Variants in EYS observed in about 807,000 individuals in gnomAD.
EYS encodes protein eyes shut homolog.
A neutral mutation model predicts 282.1 loss-of-function variants in EYS; 250 were observed. The observed-to-expected ratio is 0.89, with a 90% CI of 0.80 to 0.98. EYS has a LOEUF of 0.98. Ranked by LOEUF, EYS falls within the 50% of genes least tolerant of loss-of-function variation. The pLI is 0.00. For synonymous variants in EYS, 1,355 were observed against 1,282.9 expected (o/e 1.06, Z -1.20); for missense variants, 4,016 against 3,709.0 (o/e 1.08, Z -2.15).
At chr6:64,995,307 C>T (rs1296148390) in intron 14 of EYS, among the ~76,000 whole-genome samples, 2 of 152,152 alleles carry the variant, frequency 1.3e-5, no homozygotes, top group African/African-American at 4.8e-5. Context: ...TGGGAGAATA[C>T]ACCTGGAAGA....
intron 7 of EYS, among the ~76,000 whole-genome samples, chr6:65,396,395 A>C (rs1216532674): frequency 6.6e-6 from 1 of 151,952 alleles, no homozygotes; most frequent in Non-Finnish European, 1.5e-5. Context: ...CCCAACGTTT[A>C]TTCCATCCCA....
At chr6:64,323,016 C>T (rs923784975) in intron 29 of EYS, among the ~76,000 whole-genome samples, 1 of 152,086 alleles carries the variant, frequency 6.6e-6, no homozygotes, top group Non-Finnish European at 1.5e-5. Flanking sequence ...ACTAATTTCC[C>T]ATGATTTCTT....
intron 22 of EYS, among the ~76,000 whole-genome samples, chr6:64,720,285 C>A (rs1279666890): frequency 6.6e-6 from 1 of 152,122 alleles, no homozygotes; most frequent in African/African-American, 2.4e-5. Context: ...CTTCTCTCAC[C>A]TTTTCCTTCC....
intron 31 of EYS, among the ~76,000 whole-genome samples, chr6:64,113,868 G>A (rs942711734): frequency 6.6e-6 from 1 of 152,158 alleles, no homozygotes; most frequent in African/African-American, 2.4e-5. Context: ...TACATCACGA[G>A]TTGGCAAGCA....
chr6:63,938,235 T>C (rs1765131112), intron 35 of EYS, among the ~76,000 whole-genome samples: 1 of 152,182 alleles, frequency 6.6e-6, no homozygotes, highest in African/African-American at 2.4e-5. Flanking sequence ...GCTGGTCTCG[T>C]ATGGTGATAC....
At chr6:63,745,981 C>G (rs1262043662) in intron 41 of EYS, among the ~76,000 whole-genome samples, 2 of 152,160 alleles carry the variant, frequency 1.3e-5, no homozygotes, top group East Asian at 3.9e-4. Context: ...AGGAAGAGAG[C>G]CCTTGCTGGA....
intron 5 of EYS, among the ~76,000 whole-genome samples, chr6:65,459,971 TA>T (rs1562197905): frequency 0.029 from 496 of 17,228 alleles, 6 homozygotes; most frequent in African/African-American, 0.16. Flanking sequence ...GTGTATTTTA[TA>T]TATATATATA....
At chr6:64,635,896 T>C (rs1037738162) in intron 22 of EYS, among the ~76,000 whole-genome samples, 1 of 152,202 alleles carries the variant, frequency 6.6e-6, no homozygotes, top group Non-Finnish European at 1.5e-5. Flanking sequence ...TCAGAAGGAA[T>C]GGTACCAGCT....
In EYS at chr6:64,654,072, A is replaced by G. The variant is rs547588211; in HGVS notation, c.3444-27827T>C. 2.0e-5 allele frequency among the ~76,000 whole-genome samples: 3 copies of G among 152,196 alleles called. No individual in the cohort carries two copies. The South Asian group carries it at 6.2e-4, about 32-fold the overall frequency. On this transcript the variant is annotated intron_variant, in intron 22 of 42. Transcript: ENST00000503581. Reference sequence around the variant, plus strand: ...TTCTGCATTCAGTCTCTTCATATTTACCTTAAGATGTTTTATAGTTTATGC... The same window carrying G: ...TTCTGCATTCAGTCTCTTCATATTTGCCTTAAGATGTTTTATAGTTTATGC...
At chr6:63,905,577 G>A (rs1378975867) in intron 35 of EYS, among the ~76,000 whole-genome samples, 9 of 151,968 alleles carry the variant, frequency 5.9e-5, no homozygotes, top group African/African-American at 1.4e-4. Context: ...TGATCCACCC[G>A]CCTCTGCCTC....
chr6:64,392,367 A>C (rs928153693), intron 28 of EYS, among the ~76,000 whole-genome samples: 48 of 150,162 alleles, frequency 3.2e-4, no homozygotes, highest in African/African-American at 1.2e-3. Context: ...AATTGACCAC[A>C]TACTTGGAAG....
intron 31 of EYS, among the ~76,000 whole-genome samples, chr6:64,193,765 C>T (rs1204515235): frequency 2.0e-5 from 3 of 152,026 alleles, no homozygotes; most frequent in Admixed American, 6.6e-5. Flanking sequence ...GTTTTCTGTC[C>T]TTGCGTTAGT....
At chr6:64,474,001 C>T (rs1776195655) in intron 26 of EYS, among the ~76,000 whole-genome samples, 1 of 152,146 alleles carries the variant, frequency 6.6e-6, no homozygotes, top group Admixed American at 6.5e-5. Context: ...TAATTATGCT[C>T]ATTAATTATA....
At chr6:65,531,488 C>G (rs1369245234) in intron 2 of EYS, among the ~76,000 whole-genome samples, 1 of 152,014 alleles carries the variant, frequency 6.6e-6, no homozygotes, top group Non-Finnish European at 1.5e-5. Context: ...TCTGACAGAA[C>G]CAGAGAGGTA....
intron 26 of EYS, among the ~76,000 whole-genome samples, chr6:64,441,751 C>G (rs1346803045): frequency 6.6e-6 from 1 of 152,168 alleles, no homozygotes; most frequent in Non-Finnish European, 1.5e-5. Context: ...TTGCCCTGCA[C>G]AAGCTATCTC....
rs1771535498 is a variant in EYS, at chr6:63,828,517, A to C, written c.7229-22145T>G. On this transcript the variant is annotated intron_variant, in intron 36 of 42. Coordinates refer to ENST00000503581, the MANE Select transcript of EYS (RefSeq NM_001142800.2). ...TCCAGCACAAATCAAGAAGAATTACATAACCTGAAGAGAACAATAACAAGC... is the reference window on the plus strand; with the variant it reads ...TCCAGCACAAATCAAGAAGAATTACCTAACCTGAAGAGAACAATAACAAGC... Among the ~76,000 whole-genome samples, 3 of 152,250 alleles carry C rather than the reference A, an allele frequency of 2.0e-5. No individual in the cohort carries two copies. The South Asian group carries it at 6.2e-4, about 31-fold the overall frequency.
intron 42 of EYS, 118 bp from the exon 43 acceptor site, chr6:63,721,915 T>G (rs1053383799): frequency 1.2e-6 from 1 of 863,316 alleles, no homozygotes; most frequent in African/African-American, 1.7e-5. Flanking sequence ...TAACAGATCT[T>G]GAGCACAATT....
intron 26 of EYS, among the ~76,000 whole-genome samples, chr6:64,553,359 C>A (rs548960086): frequency 6.6e-6 from 1 of 152,080 alleles, no homozygotes; most frequent in South Asian, 2.1e-4. Context: ...GATTATATCC[C>A]TTCTTTAAAG....
At chr6:64,285,077 A>T (rs899811596) in intron 30 of EYS, among the ~76,000 whole-genome samples, 3 of 152,104 alleles carry the variant, frequency 2.0e-5, no homozygotes, top group Admixed American at 1.3e-4. Context: ...CTCCTCTGAA[A>T]ATGGGATTTT....
Sources: allele counts gnomAD v4.1 joint callset (sites outside exome capture counted in the v4.1 genomes callset), GRCh38; gene constraint gnomAD v4.1.1; transcripts MANE v1.5; gene names NCBI Gene and HGNC (gene_info 2026-07-23, HGNC 2026-07-21).